The following ZDHHC15 variants were observed in gnomAD, a reference collection of about 807,000 sequenced individuals.
ZDHHC15 encodes the protein palmitoyltransferase ZDHHC15.
ZDHHC15 carries 19 observed loss-of-function variants against 31.7 expected under a neutral mutation model. The ratio of observed to expected loss-of-function variants is 0.60; its 90% CI spans 0.42 to 0.88. ZDHHC15 has a LOEUF of 0.88. Ranked by LOEUF, ZDHHC15 falls within the 40% of genes least tolerant of loss-of-function variation. The probability of loss-of-function intolerance (pLI) is 0.00; values close to 1 mark genes in which losing one functional copy is unlikely to be tolerated. For synonymous variants in ZDHHC15, 103 were observed against 90.0 expected (o/e 1.14, Z -0.82); for missense variants, 209 against 251.2 (o/e 0.83, Z 1.14).
intron 2 of ZDHHC15, among the ~76,000 whole-genome samples, chrX:75,503,583 G>A (rs2085117713): frequency 9.0e-6 from 1 of 111,168 alleles, no homozygotes; most frequent in Admixed American, 9.7e-5. Flanking sequence ...ACTTAGAGAA[G>A]TTAAGTTCCC....
At chrX:75,375,163 AT>A (rs1406767677) in intron 11 of ZDHHC15, among the ~76,000 whole-genome samples, 1 of 112,030 alleles carries the variant, frequency 8.9e-6, no homozygotes, top group African/African-American at 3.2e-5. Context: ...CACTCAAAAA[AT>A]GATCTATGAA....
chrX:75,391,189 A>G (rs1357808880), intron 10 of ZDHHC15, among the ~76,000 whole-genome samples: 1 of 111,919 alleles, frequency 8.9e-6, no homozygotes, highest in Non-Finnish European at 1.9e-5. Flanking sequence ...GAGACAAAAA[A>G]AGGAATAAAG....
In ZDHHC15 at chrX:75,420,270, A is replaced by C. The variant is rs2083608712; in HGVS notation, c.863+1594T>G. Among the ~76,000 whole-genome samples the C allele has an allele frequency of 5.4e-5, 6 of 111,400 alleles. No individual in the cohort carries two copies. In the South Asian group the frequency reaches 2.3e-3, roughly 43 times the overall value. ...CCACAATGAGACACCATCTCATGCC[A>C]GTTAGAATGGCAATCATTAAAAAGT... On this transcript the variant is annotated intron_variant, in intron 9 of 11. Transcript: ENST00000373367.
At chrX:75,468,179 G>A (rs777877799) in intron 3 of ZDHHC15, among the ~76,000 whole-genome samples, 31 of 109,968 alleles carry the variant, frequency 2.8e-4, no homozygotes, top group African/African-American at 1.0e-3. Context: ...CCGAGTAACT[G>A]GGATTACAGG....
intron 2 of ZDHHC15, among the ~76,000 whole-genome samples, chrX:75,499,990 A>G (rs1289487256): frequency 9.0e-6 from 1 of 111,528 alleles, no homozygotes; most frequent in Admixed American, 9.7e-5. Flanking sequence ...TTTTATCTGG[A>G]TGGAGTTGGA....
intron 3 of ZDHHC15, among the ~76,000 whole-genome samples, chrX:75,474,947 C>G (rs931748975): frequency 3.6e-5 from 4 of 109,943 alleles, no homozygotes; most frequent in Non-Finnish European, 7.6e-5. Flanking sequence ...GTGGTCCCAG[C>G]TACTCGGGAG....
intron 1 of ZDHHC15, among the ~76,000 whole-genome samples, chrX:75,521,506 G>T (rs2085440863): frequency 9.0e-6 from 1 of 110,928 alleles, no homozygotes; most frequent in Admixed American, 9.7e-5. Flanking sequence ...ATAAGGGAGA[G>T]ACTTGGGGTT....
intron 10 of ZDHHC15, among the ~76,000 whole-genome samples, chrX:75,398,226 T>C (rs2083318722): frequency 8.9e-6 from 1 of 112,403 alleles, no homozygotes; most frequent in South Asian, 3.7e-4. Flanking sequence ...CCACCATCTT[T>C]GCTTTTCAGG....
At chrX:75,519,595 C>T (rs912980302) in intron 1 of ZDHHC15, among the ~76,000 whole-genome samples, 2 of 111,737 alleles carry the variant, frequency 1.8e-5, no homozygotes, top group Non-Finnish European at 3.8e-5. Flanking sequence ...TCTAATGTAA[C>T]GTTAGGGAGA....
intron 10 of ZDHHC15, 108 bp from the exon 11 acceptor site, chrX:75,379,306 A>G: frequency 1.3e-6 from 1 of 761,965 alleles, no homozygotes; most frequent in Non-Finnish European, 2.0e-6. Context: ...GGCAACAGAT[A>G]CCTGCAAACC....
chrX:75,510,477 T>G (rs1413717924), intron 1 of ZDHHC15, among the ~76,000 whole-genome samples: 1 of 69,921 alleles, frequency 1.4e-5, no homozygotes, highest in African/African-American at 4.1e-5. Flanking sequence ...GTTTCTTCTG[T>G]TTTTTTTTTT....
chrX:75,417,176 T>G lies in ZDHHC15; in HGVS notation c.878A>C (p.His293Pro). 8.3e-7 allele frequency: 1 copy of G among 1,201,753 alleles called. No homozygotes were observed. The highest frequency in any genetic ancestry group is 1.1e-6 in the Non-Finnish European group (1 of 888,666). ...IPIGSSPGDG[H>P]SFPMRSMNES... ...ATTCATAGACCTCATAGGGAAGGAGTGTCCATCACCAGGGCTGATGGGAAA... is the reference window on the plus strand; with the variant it reads ...ATTCATAGACCTCATAGGGAAGGAGGGTCCATCACCAGGGCTGATGGGAAA... Residue 293 changes from histidine (H) to proline (P), a missense_variant, in exon 10 of 12, where the codon CAC (histidine) becomes CCC (proline). Physicochemically the swap from His to Pro is moderately conservative, Grantham distance 77. Transcript: ENST00000373367.
intron 1 of ZDHHC15, among the ~76,000 whole-genome samples, chrX:75,514,235 G>GTT (rs112017248): frequency 1.8e-5 from 2 of 111,797 alleles, no homozygotes; most frequent in East Asian, 2.8e-4. Flanking sequence ...TGAGTTTTAC[G>GTT]TTTTTTTTAA....
At chrX:75,429,841 G>A in intron 6 of ZDHHC15, 107 bp downstream of exon 6, 1 of 830,372 alleles carries the variant, frequency 1.2e-6, no homozygotes, top group South Asian at 2.8e-5. Context: ...AAAACCCAGT[G>A]AATTATGGTG....
chrX:75,442,122 G>A (rs925337594), intron 4 of ZDHHC15, among the ~76,000 whole-genome samples: 4 of 112,208 alleles, frequency 3.6e-5, no homozygotes, highest in Non-Finnish European at 5.6e-5. Flanking sequence ...TTCTTTCTAA[G>A]TGTCTTTGTG....
chrX:75,490,046 G>T (rs2084851890), intron 2 of ZDHHC15, among the ~76,000 whole-genome samples: 1 of 111,562 alleles, frequency 9.0e-6, no homozygotes, highest in Admixed American at 9.5e-5. Flanking sequence ...GAGAAAAAAA[G>T]AATAAAAGAA....
intron 10 of ZDHHC15, among the ~76,000 whole-genome samples, chrX:75,408,358 T>G (rs2083444498): frequency 8.9e-6 from 1 of 112,044 alleles, no homozygotes; most frequent in South Asian, 3.7e-4. Flanking sequence ...AAGCACATGA[T>G]TATTTCAATA....
At position 75,370,498 on chromosome X, in the gene ZDHHC15, C is replaced by T. The variant is rs2082995235; in HGVS notation, c.*2480G>A. 2 of 99,052 alleles carry T rather than the reference C, an allele frequency of 2.0e-5. No individual in the cohort carries two copies. Among genetic ancestry groups the T allele is most frequent in the Admixed American group, 2.4e-4 (2 of 8,424 alleles). 8.2% of individuals were successfully genotyped at this position (99,052 alleles called of 1,213,427 possible). A position where few individuals can be genotyped will look rare whatever the true frequency, so the allele number is the denominator to read the frequency against. ...TAGGTTTTCTTTTTATCTCTGAGCCCCTGGTAAAACCCTGATTTATTTGGC... is the reference window on the plus strand; with the variant it reads ...TAGGTTTTCTTTTTATCTCTGAGCCTCTGGTAAAACCCTGATTTATTTGGC... On this transcript the variant is annotated 3_prime_UTR_variant, in exon 12 of 12. Coordinates refer to ENST00000373367, the MANE Select transcript of ZDHHC15 (RefSeq NM_144969.3).
At chrX:75,406,170 C>T (rs1459018801) in intron 10 of ZDHHC15, among the ~76,000 whole-genome samples, 1 of 110,406 alleles carries the variant, frequency 9.1e-6, no homozygotes, top group African/African-American at 3.3e-5. Flanking sequence ...AATGGTAGTA[C>T]AACATACTAA....
Sources: allele counts gnomAD v4.1 joint callset (sites outside exome capture counted in the v4.1 genomes callset), GRCh38; gene constraint gnomAD v4.1.1; transcripts MANE v1.5; gene names NCBI Gene and HGNC (gene_info 2026-07-23, HGNC 2026-07-21).